GPC4: variants seen among roughly 807,000 people sequenced by gnomAD.
GPC4 encodes glypican-4.
In GPC4, 10 loss-of-function variants were observed where a neutral mutation model predicts 35.0. That is an observed-to-expected ratio of 0.29 (90% confidence interval 0.18 to 0.48). GPC4 has a LOEUF of 0.48. GPC4 is among the 20% of genes least tolerant of loss of function. The probability of loss-of-function intolerance (pLI) is 0.99; values close to 1 mark genes in which losing one functional copy is unlikely to be tolerated. For synonymous variants in GPC4, 167 were observed against 170.2 expected, an observed-to-expected ratio of 0.98 and a Z score of 0.15; for missense variants, 322 against 451.3, an observed-to-expected ratio of 0.71 and a Z score of 2.60.
At chrX:133,383,760 T>C (rs886523010) in intron 1 of GPC4, among the ~76,000 whole-genome samples, 1 of 111,713 alleles carries the variant, frequency 9.0e-6, no homozygotes, top group Non-Finnish European at 1.9e-5. Context: ...GGCAGAAGAA[T>C]TGCTTGAGCC....
intron 2 of GPC4, among the ~76,000 whole-genome samples, chrX:133,334,396 C>A (rs906215856): frequency 6.3e-5 from 7 of 111,757 alleles, no homozygotes; most frequent in African/African-American, 2.0e-4. Context: ...TAAGCTAATT[C>A]AGAAAATTTC....
At chrX:133,414,289 T>C (rs1165649159) in intron 1 of GPC4, among the ~76,000 whole-genome samples, 3 of 108,472 alleles carry the variant, frequency 2.8e-5, no homozygotes. Context: ...GAAACATCAA[T>C]TCAAGTTCCA....
chrX:133,313,778 A>G (rs1399170350), intron 3 of GPC4, among the ~76,000 whole-genome samples: 1 of 112,349 alleles, frequency 8.9e-6, no homozygotes, highest in Non-Finnish European at 1.9e-5. Context: ...ATACCTTATC[A>G]AGCATTTGTG....
At chrX:133,361,272 A>G (rs1159328207) in intron 1 of GPC4, among the ~76,000 whole-genome samples, 2 of 112,073 alleles carry the variant, frequency 1.8e-5, no homozygotes, top group African/African-American at 3.2e-5. Context: ...CCTGAGTGTG[A>G]TGTCCTTGCT....
chrX:133,390,374 A>G (rs1423148495), intron 1 of GPC4, among the ~76,000 whole-genome samples: 1 of 111,679 alleles, frequency 9.0e-6, no homozygotes, highest in African/African-American at 3.3e-5. Flanking sequence ...ACCTAAATAT[A>G]AGCCCCCAAA....
intron 1 of GPC4, among the ~76,000 whole-genome samples, chrX:133,360,964 T>C (rs1185502124): frequency 1.8e-5 from 2 of 112,172 alleles, no homozygotes; most frequent in East Asian, 2.8e-4. Flanking sequence ...ATAAATACTT[T>C]AGAAATATTT....
chrX:133,357,816 G>A (rs1378739523), intron 1 of GPC4, among the ~76,000 whole-genome samples: 4 of 111,498 alleles, frequency 3.6e-5, no homozygotes, highest in African/African-American at 1.3e-4. Context: ...AAATTATACA[G>A]TATACCTCAA....
At chrX:133,344,347 T>A (rs1206703170) in intron 1 of GPC4, among the ~76,000 whole-genome samples, 2 of 105,074 alleles carry the variant, frequency 1.9e-5, no homozygotes, top group African/African-American at 3.4e-5. Flanking sequence ...TGCCTCAGCC[T>A]CTTGAGTAGC....
chrX:133,313,796 G>A (rs1191521603), intron 3 of GPC4, among the ~76,000 whole-genome samples: 1 of 112,328 alleles, frequency 8.9e-6, no homozygotes, highest in African/African-American at 3.2e-5. Context: ...GTGATGAAAA[G>A]ATTTCCCAGA....
chrX:133,303,382 GA>G, intron 7 of GPC4, 41 bp from the exon 8 acceptor site: 1 of 1,119,795 alleles, frequency 8.9e-7, no homozygotes, highest in Middle Eastern at 2.7e-4. Context: ...TTCGTAAAGC[GA>G]AAAGATTTTA....
At chrX:133,377,871 CTTTTTCTTTTTT>C (rs1320034553) in intron 1 of GPC4, among the ~76,000 whole-genome samples, 17 of 78,785 alleles carry the variant, frequency 2.2e-4, no homozygotes, top group African/African-American at 5.8e-4. Context: ...CCATACTTTT[CTTTTTCTTTTTT>C]TTTTTCTTTT....
intron 1 of GPC4, among the ~76,000 whole-genome samples, chrX:133,354,564 A>ATTTTTTTTTTT (rs1320451355): frequency 1.1e-5 from 1 of 94,478 alleles, no homozygotes; most frequent in African/African-American, 4.5e-5. Context: ...TTATTTATTT[A>ATTTTTTTTTTT]TTTATTTTTT....
intron 1 of GPC4, among the ~76,000 whole-genome samples, chrX:133,355,557 G>C (rs934313467): frequency 8.9e-6 from 1 of 111,918 alleles, no homozygotes; most frequent in African/African-American, 3.2e-5. Flanking sequence ...TGACACACTT[G>C]GTAGCCTTGG....
At chrX:133,322,163 G>A (rs1305478482) in intron 3 of GPC4, among the ~76,000 whole-genome samples, 1 of 111,811 alleles carries the variant, frequency 8.9e-6, no homozygotes, top group Non-Finnish European at 1.9e-5. Context: ...AGTGACACCT[G>A]GCCAGCACGG....
At chrX:133,353,166 C>A (rs1569348732) in intron 1 of GPC4, among the ~76,000 whole-genome samples, 1 of 111,552 alleles carries the variant, frequency 9.0e-6, no homozygotes, top group Non-Finnish European at 1.9e-5. Flanking sequence ...GATACAAATG[C>A]TCCAGAAAGT....
chrX:133,326,253 G>C (rs754462883), intron 2 of GPC4, among the ~76,000 whole-genome samples: 1 of 111,351 alleles, frequency 9.0e-6, no homozygotes, highest in East Asian at 2.8e-4. Flanking sequence ...CAAAGAGTTA[G>C]GTGAACAATA....
In GPC4 at chrX:133,306,262, C is replaced by G; in HGVS notation, c.878-108G>C. The G allele has an allele frequency of 5.7e-6, 5 of 869,828 alleles. No individual in the cohort carries two copies. In the South Asian group the frequency reaches 6.8e-5, roughly 12 times the overall value. The allele number at this position is 869,828 out of a possible 1,213,427, so 71.7% of individuals were successfully genotyped here. A position where few individuals can be genotyped will look rare whatever the true frequency, so the allele number is the denominator to read the frequency against. The stretch of plus-strand genomic sequence containing the variant: ...TTTCTGTCTGTTTCCTGCATGGGGG[C>G]AGGGGAAGTAAGGCATGGATCATAA... On this transcript the variant is annotated intron_variant, in intron 4 of 8. Coordinates refer to ENST00000370828, the MANE Select transcript of GPC4 (RefSeq NM_001448.3).
chrX:133,337,918 C>A (rs2068451457), intron 2 of GPC4, among the ~76,000 whole-genome samples: 1 of 109,614 alleles, frequency 9.1e-6, no homozygotes, highest in African/African-American at 3.3e-5. Context: ...ATAAATTGTT[C>A]CCATTCATCC....
intron 1 of GPC4, among the ~76,000 whole-genome samples, chrX:133,381,877 GTTTGTGCAT>G (rs1330603060): frequency 8.9e-6 from 1 of 111,828 alleles, no homozygotes; most frequent in Non-Finnish European, 1.9e-5. Flanking sequence ...TTCCTGCAAG[GTTTGTGCAT>G]TCAGTGGGTT....
Sources: allele counts gnomAD v4.1 joint callset (sites outside exome capture counted in the v4.1 genomes callset), GRCh38; gene constraint gnomAD v4.1.1; transcripts MANE v1.5; gene names NCBI Gene and HGNC (gene_info 2026-07-23, HGNC 2026-07-21).